Variants in NCK2 observed in about 807,000 individuals in gnomAD.
NCK2 encodes cytoplasmic protein NCK2.
In NCK2, 16 loss-of-function variants were observed where a neutral mutation model predicts 33.9. That is an observed-to-expected ratio of 0.47 (90% CI 0.32 to 0.72). NCK2 has a LOEUF of 0.72. Among genes scored for constraint, NCK2 ranks in the 30% least tolerant of loss-of-function variants. The pLI, the probability that NCK2 is intolerant of heterozygous loss-of-function variation, is 0.03. For missense variants in NCK2, 418 were observed against 537.3 expected (o/e 0.78, Z 2.19); for synonymous variants, 273 against 239.9 (o/e 1.14, Z -1.27).
chr2:105,871,515 A>T (rs963259056), intron 3 of NCK2, among the ~76,000 whole-genome samples: 2 of 149,988 alleles, frequency 1.3e-5, no homozygotes, highest in Admixed American at 6.6e-5. Context: ...TTTTTTTTTG[A>T]GACAGAGTCT....
rs140404554 is a variant in NCK2, at chr2:105,850,171, C to T, written c.-16-4877C>T. ...AAGCTTGAATCTCAGACCCTTAACT[C>T]CTTTCTTCTGTAATATTTGGTTCAC... is the stretch of plus-strand genomic sequence containing the variant. On this transcript the variant is annotated intron_variant, in intron 2 of 4. Coordinates refer to ENST00000233154, the MANE Select transcript of NCK2 (RefSeq NM_003581.5). Among the ~76,000 whole-genome samples, 16 of 152,282 alleles carry T rather than the reference C, an allele frequency of 1.1e-4. No individual in the cohort carries two copies. The East Asian group carries it at 3.1e-3, about 29-fold the overall frequency.
chr2:105,793,455 G>A lies in NCK2; in HGVS notation c.-200-22975G>A, dbSNP rs554324481. On this transcript the variant is annotated intron_variant, in intron 1 of 4. Coordinates refer to ENST00000233154, the MANE Select transcript of NCK2 (RefSeq NM_003581.5). ...GGTCAGGCAGGGAACTTCTGACCTC[G>A]GGCATCCTGTTTCTGAGACAAGTAG... Among the ~76,000 whole-genome samples the A allele has an allele frequency of 9.2e-5, 14 of 152,166 alleles. 1 individual carries two copies. Among genetic ancestry groups the A allele is most frequent in the Non-Finnish European group, 8.8e-5 (6 of 68,028 alleles).
In NCK2 at chr2:105,776,687, G is replaced by A. The variant is rs79732631; in HGVS notation, c.-201+31549G>A. Among the ~76,000 whole-genome samples, 41 of 152,252 alleles carry A rather than the reference G, an allele frequency of 2.7e-4. No individual in the cohort carries two copies. In the East Asian group the frequency reaches 5.6e-3, roughly 21 times the overall value. On this transcript the variant is annotated intron_variant, in intron 1 of 4. Coordinates refer to ENST00000233154, the MANE Select transcript of NCK2 (RefSeq NM_003581.5). ...CTTCCTCCTCCAGCCAGCCTCCCTC[G>A]TTTTAGCTCAGCCATCCCAGCAGGG...
chr2:105,787,964 C>T (rs1690741361), intron 1 of NCK2, among the ~76,000 whole-genome samples: 2 of 150,288 alleles, frequency 1.3e-5, no homozygotes, highest in South Asian at 4.2e-4. Flanking sequence ...ACCTGGGCTT[C>T]CTGCCCTCCT....
At chr2:105,757,995 C>T (rs1689646891) in intron 1 of NCK2, among the ~76,000 whole-genome samples, 1 of 152,112 alleles carries the variant, frequency 6.6e-6, no homozygotes, top group African/African-American at 2.4e-5. Flanking sequence ...TGTTATTATT[C>T]CAGGGCCTGG....
At chr2:105,872,612 G>A (rs969302448) in intron 3 of NCK2, among the ~76,000 whole-genome samples, 8 of 152,232 alleles carry the variant, frequency 5.3e-5, no homozygotes, top group African/African-American at 1.9e-4. Context: ...CCCTCAGGCT[G>A]AGCATTAAAC....
intron 3 of NCK2, among the ~76,000 whole-genome samples, chr2:105,873,287 C>T (rs970120437): frequency 2.0e-5 from 3 of 152,214 alleles, no homozygotes. Context: ...AAGATACTGG[C>T]CCCAGTGAAT....
chr2:105,879,310 C>A (rs1340378528), intron 3 of NCK2, among the ~76,000 whole-genome samples: 1 of 152,240 alleles, frequency 6.6e-6, no homozygotes, highest in Non-Finnish European at 1.5e-5. Context: ...TGAGGCCTTC[C>A]TGGTTGAGCT....
At chr2:105,782,645 A>G (rs1450451490) in intron 1 of NCK2, among the ~76,000 whole-genome samples, 1 of 151,780 alleles carries the variant, frequency 6.6e-6, no homozygotes, top group African/African-American at 2.4e-5. Context: ...AGCTCTCCTC[A>G]TGCAACGTCA....
rs1444728856 is a variant in NCK2, at chr2:105,893,206, G to A, written c.*30G>A. 6.5e-7 allele frequency: 1 copy of A among 1,546,700 alleles called. No individual in the cohort carries two copies. The highest frequency in any genetic ancestry group is 1.9e-5 in the Admixed American group (1 of 51,554). ...GCCCCGGCCCCACACTCGCCTCCCG[G>A]GCCCCACGGTGGAGCTGCCCGCCCG... On this transcript the variant is annotated 3_prime_UTR_variant, in exon 5 of 5. Transcript: ENST00000233154.
intron 1 of NCK2, among the ~76,000 whole-genome samples, chr2:105,745,485 A>C (rs2104313279): frequency 6.6e-6 from 1 of 151,878 alleles, no homozygotes; most frequent in South Asian, 2.1e-4. Flanking sequence ...CCGGGTGCGC[A>C]GGCTGCGCCT....
At chr2:105,852,912 A>T (rs1677122501) in intron 2 of NCK2, among the ~76,000 whole-genome samples, 1 of 152,216 alleles carries the variant, frequency 6.6e-6, no homozygotes, top group African/African-American at 2.4e-5. Context: ...TGTATATATT[A>T]TGCAGAGGCT....
chr2:105,855,189 G>A lies in NCK2; in HGVS notation c.126G>A (p.Arg42=). The A allele has an allele frequency of 6.2e-7, 1 of 1,614,164 alleles. No individual in the cohort carries two copies. Among genetic ancestry groups the A allele is most frequent in the Non-Finnish European group, 8.5e-7 (1 of 1,180,036 alleles). Residue 42 remains arginine (R), a synonymous_variant, in exon 3 of 5, where the codon AGG becomes AGA. Transcript: ENST00000233154. ...ACTCCAAGACGTGGTGGCGGGTGAG[G>A]AACGCGGCCAACAGGACGGGCTATG... The part of the protein sequence containing the change: ...LDDSKTWWRV[R]NAANRTGYVP...
At chr2:105,868,549 A>C (rs997884604) in intron 3 of NCK2, among the ~76,000 whole-genome samples, 4 of 152,208 alleles carry the variant, frequency 2.6e-5, no homozygotes, top group African/African-American at 9.6e-5. Flanking sequence ...AGTAGAGATG[A>C]ATTAGTGGTA....
intron 3 of NCK2, among the ~76,000 whole-genome samples, chr2:105,870,129 G>A (rs569864921): frequency 2.0e-5 from 3 of 152,350 alleles, no homozygotes; most frequent in African/African-American, 7.2e-5. Context: ...CCTGCGCATA[G>A]AGATGTTGGA....
At chr2:105,812,728 G>A (rs1377799579) in intron 1 of NCK2, among the ~76,000 whole-genome samples, 1 of 151,824 alleles carries the variant, frequency 6.6e-6, no homozygotes. Flanking sequence ...TTCTCTCCAT[G>A]TGTAACACAG....
intron 1 of NCK2, among the ~76,000 whole-genome samples, chr2:105,774,009 A>ATT (rs1690221503): frequency 9.0e-6 from 1 of 111,328 alleles, no homozygotes; most frequent in African/African-American, 3.9e-5. Flanking sequence ...TTTTCCAGCT[A>ATT]TCTTTTTTTT....
intron 1 of NCK2, among the ~76,000 whole-genome samples, 179 bp downstream of exon 1, chr2:105,745,317 G>C (rs954469231): frequency 6.6e-6 from 1 of 151,692 alleles, no homozygotes; most frequent in Non-Finnish European, 1.5e-5. Flanking sequence ...CCCCGACCGC[G>C]GACTGCCGGG....
intron 4 of NCK2, among the ~76,000 whole-genome samples, chr2:105,891,253 CTT>C (rs200222338): frequency 6.6e-6 from 1 of 151,788 alleles, no homozygotes; most frequent in Non-Finnish European, 1.5e-5. Flanking sequence ...TCATGCAACT[CTT>C]TTTTTTGTTT....
Sources: allele counts gnomAD v4.1 joint callset (sites outside exome capture counted in the v4.1 genomes callset), GRCh38; gene constraint gnomAD v4.1.1; transcripts MANE v1.5; gene names NCBI Gene and HGNC (gene_info 2026-07-23, HGNC 2026-07-21).